RWDD4: variants seen among roughly 807,000 people sequenced by gnomAD.
RWDD4 encodes RWD domain containing 4.
Under a neutral mutation model 30.0 loss-of-function variants are expected in RWDD4, and 16 were observed. That is an observed-to-expected ratio of 0.53 (90% confidence interval 0.36 to 0.81). The LOEUF (loss-of-function observed/expected upper bound fraction) is 0.81, where lower values mean the gene tolerates loss of function less well. RWDD4 is among the 30% of genes least tolerant of loss of function. The pLI is 0.00. For synonymous variants in RWDD4, 45 were observed against 72.1 expected, an observed-to-expected ratio of 0.62 and a Z score of 1.90; for missense variants, 170 against 223.9, an observed-to-expected ratio of 0.76 and a Z score of 1.54.
chr4:183,649,646 G>A, intron 4 of RWDD4, 78 bp from the exon 5 acceptor site: 2 of 698,372 alleles, frequency 2.9e-6, no homozygotes, highest in South Asian at 1.9e-5. Context: ...ATCCTGAAGT[G>A]GGTTGATAAT....
intron 1 of RWDD4, among the ~76,000 whole-genome samples, chr4:183,657,340 A>C (rs1488740741): frequency 6.6e-6 from 1 of 152,112 alleles, no homozygotes; most frequent in Non-Finnish European, 1.5e-5. Flanking sequence ...ATATAGTACT[A>C]CTCCTTCTGT....
At chr4:183,654,953 G>GTT (rs1185958781) in intron 2 of RWDD4, among the ~76,000 whole-genome samples, 1 of 145,288 alleles carries the variant, frequency 6.9e-6, no homozygotes. Flanking sequence ...TGTTTTTTTT[G>GTT]TTTTTTTTTT....
chr4:183,645,599 CAAAAAAAA>C (rs11310523), intron 7 of RWDD4, among the ~76,000 whole-genome samples: 1 of 111,524 alleles, frequency 9.0e-6, no homozygotes, highest in Non-Finnish European at 1.9e-5. Context: ...TCTGTCTCTG[CAAAAAAAA>C]AAAAAAAAAA....
intron 7 of RWDD4, 132 bp downstream of exon 7, chr4:183,646,219 G>A (rs548886203): frequency 1.5e-6 from 1 of 647,162 alleles, no homozygotes; most frequent in African/African-American, 1.8e-5. Context: ...GCATTCTTAA[G>A]ATGTGCTTAC....
Position 183,639,654 on chromosome 4 carries a change from C to T in RWDD4, c.*1782G>A, listed in dbSNP as rs1244548148. 6.6e-6 allele frequency: 1 copy of T among 152,552 alleles called. No homozygotes were observed. Among genetic ancestry groups the T allele is most frequent in the Non-Finnish European group, 1.5e-5 (1 of 68,024 alleles). 9.4% of individuals were successfully genotyped at this position (152,552 alleles called of 1,614,324 possible). A position where few individuals can be genotyped will look rare whatever the true frequency, so the allele number is the denominator to read the frequency against. ...GAAAAATCGCTGTGTATAATTCAGA[C>T]TTTATTGCTTATTAATTATGTCACT... On this transcript the variant is annotated 3_prime_UTR_variant, in exon 8 of 8. Transcript: ENST00000326397.
At position 183,655,874 on chromosome 4, in the gene RWDD4, G is replaced by A. The variant is rs1734183081; in HGVS notation, c.105+7C>T. On this transcript the variant is annotated splice_region_variant and intron_variant, in intron 2 of 7. Transcript: ENST00000326397. ...TTCTAAGTGCTCTTATTCATGCCAT[G>A]TCTTACCCTATATTGAAAAGAAACT... The A allele has an allele frequency of 6.3e-7, 1 of 1,581,376 alleles. No homozygotes were observed. Among genetic ancestry groups the A allele is most frequent in the South Asian group, 1.1e-5 (1 of 90,322 alleles).
At chr4:183,645,157 A>G (rs909710982) in intron 7 of RWDD4, among the ~76,000 whole-genome samples, 1 of 152,118 alleles carries the variant, frequency 6.6e-6, no homozygotes, top group East Asian at 1.9e-4. Context: ...TTAAGAATAC[A>G]CTGCTTGTAA....
chr4:183,642,991 G>A lies in RWDD4; in HGVS notation c.535-1523C>T, dbSNP rs959570240. 1.1e-4 allele frequency among the ~76,000 whole-genome samples: 16 copies of A among 150,638 alleles called. No individual in the cohort carries two copies. The South Asian group carries it at 1.7e-3, about 16-fold the overall frequency. On this transcript the variant is annotated intron_variant, in intron 7 of 7. Transcript: ENST00000326397. Reference sequence around the variant, plus strand: ...GGAGAATGGCGTGAACCCGGGAGGCGGAGATTGCAGTGAGCCGAGATCGTG... The same window carrying A: ...GGAGAATGGCGTGAACCCGGGAGGCAGAGATTGCAGTGAGCCGAGATCGTG...
intron 2 of RWDD4, among the ~76,000 whole-genome samples, chr4:183,652,284 G>C (rs908313275): frequency 1.3e-5 from 2 of 151,696 alleles, no homozygotes; most frequent in Non-Finnish European, 2.9e-5. Flanking sequence ...AATCCATTGA[G>C]GGATCATGGA....
Position 183,646,568 on chromosome 4 carries a change from T to C in RWDD4, c.482-31A>G, listed in dbSNP as rs1316046449. On this transcript the variant is annotated intron_variant, in intron 5 of 7. Coordinates refer to ENST00000326397, the MANE Select transcript of RWDD4 (RefSeq NM_152682.4). ...AGATAAAAAATAGTAACTTTATTTC[T>C]AAGACCAACCAGCTAGTTTTATAAT... 12 of 1,582,116 alleles carry C rather than the reference T, an allele frequency of 7.6e-6. No individual in the cohort carries two copies. The African/African-American group carries it at 1.6e-4, about 22-fold the overall frequency.
intron 7 of RWDD4, among the ~76,000 whole-genome samples, chr4:183,642,546 T>C (rs1160159146): frequency 6.6e-6 from 1 of 152,136 alleles, no homozygotes; most frequent in Non-Finnish European, 1.5e-5. Context: ...CAAATATGCT[T>C]CAACAGTAAA....
At chr4:183,642,840 C>CTT (rs1307618330) in intron 7 of RWDD4, among the ~76,000 whole-genome samples, 6 of 149,106 alleles carry the variant, frequency 4.0e-5, no homozygotes, top group East Asian at 4.2e-4. Context: ...GAGTGGATCA[C>CTT]GAGGTCAGGA....
rs758714210 is a variant in RWDD4, at chr4:183,651,213, C to T, written c.215+5G>A. ...GAAAAGCAGTAAAAACAAGACACTA[C>T]TCACATGGTGTTGTTAAAAAAAGCG... On this transcript the variant is annotated splice_donor_5th_base_variant and intron_variant, in intron 3 of 7. Transcript: ENST00000326397. 6.2e-7 allele frequency: 1 copy of T among 1,613,350 alleles called. No homozygotes were observed. The highest frequency in any genetic ancestry group is 8.5e-7 in the Non-Finnish European group (1 of 1,179,492).
In RWDD4 at chr4:183,646,361, TA is replaced by T; in HGVS notation, c.532-9del. 1 of 1,165,378 alleles carries T rather than the reference TA, an allele frequency of 8.6e-7. No homozygotes were observed. The highest frequency in any genetic ancestry group is 1.5e-5 in the African/African-American group (1 of 65,856). 72.2% of individuals were successfully genotyped at this position (1,165,378 alleles called of 1,614,324 possible). ...TTCAAAAATACTTACATGCTGAATG[TA>T]AAAAAGGAAACAGACATCCCAGTGA... is the stretch of plus-strand genomic sequence containing the variant. On this transcript the variant is annotated splice_polypyrimidine_tract_variant and intron_variant, in intron 6 of 7. Transcript: ENST00000326397.
chr4:183,644,748 A>C (rs1733933535), intron 7 of RWDD4, among the ~76,000 whole-genome samples: 1 of 151,870 alleles, frequency 6.6e-6, no homozygotes, highest in East Asian at 1.9e-4. Flanking sequence ...ACTGAGATCC[A>C]GCCTGGGTGA....
chr4:183,655,152 G>C (rs1734161349), intron 2 of RWDD4, among the ~76,000 whole-genome samples: 1 of 151,896 alleles, frequency 6.6e-6, no homozygotes, highest in African/African-American at 2.4e-5. Context: ...TGTTGGCCAG[G>C]CTGGTCTAGA....
At chr4:183,655,765 C>T (rs1579133138) in intron 2 of RWDD4, 116 bp downstream of exon 2, 3 of 621,818 alleles carry the variant, frequency 4.8e-6, no homozygotes, top group East Asian at 5.1e-5. Context: ...TTAAATGCTA[C>T]AGAAAATACA....
chr4:183,658,070 GAA>G (rs1414393063), intron 1 of RWDD4, among the ~76,000 whole-genome samples: 2 of 152,204 alleles, frequency 1.3e-5, no homozygotes, highest in Non-Finnish European at 2.9e-5. Flanking sequence ...GAATATTTTA[GAA>G]GAGATTCAGA....
intron 5 of RWDD4, among the ~76,000 whole-genome samples, chr4:183,647,118 A>G (rs549032585): frequency 6.6e-6 from 1 of 152,352 alleles, no homozygotes; most frequent in South Asian, 2.1e-4. Context: ...AAACTAGCTT[A>G]TAATTCATAG....
Sources: gnomAD v4.1 joint callset for allele counts (sites outside exome capture counted in the v4.1 genomes callset) on GRCh38, gnomAD v4.1.1 for gene constraint, MANE v1.5 for transcripts, NCBI Gene and HGNC (gene_info 2026-07-23, HGNC 2026-07-21) for gene names.